GAS7: variants seen among roughly 807,000 people sequenced by gnomAD.
GAS7 encodes the protein growth arrest specific 7, also known as growth arrest-specific protein 7.
Under a neutral mutation model 71.1 loss-of-function variants are expected in GAS7, and 28 were observed. The ratio of observed to expected loss-of-function variants is 0.39; its 90% CI spans 0.29 to 0.54. GAS7 has a LOEUF of 0.54. Among genes scored for constraint, GAS7 ranks in the 20% least tolerant of loss-of-function variants. GAS7 has a pLI of 0.62. For synonymous variants in GAS7, 258 were observed against 245.8 expected (o/e 1.05, Z -0.46); for missense variants, 436 against 627.8 (o/e 0.69, Z 3.27).
intron 1 of GAS7, among the ~76,000 whole-genome samples, chr17:10,148,161 G>C (rs1431139166): frequency 2.6e-5 from 4 of 152,164 alleles, no homozygotes; most frequent in African/African-American, 9.7e-5. Context: ...GTCAAAAAAA[G>C]AACACAGTTT....
intron 1 of GAS7, among the ~76,000 whole-genome samples, chr17:10,086,455 C>T (rs1458473192): frequency 6.6e-6 from 1 of 152,236 alleles, no homozygotes; most frequent in East Asian, 1.9e-4. Context: ...CGATCCTTGG[C>T]ATGGTCTCTG....
chr17:10,167,455 A>G (rs2953452), intron 1 of GAS7, among the ~76,000 whole-genome samples: 12,348 of 152,232 alleles, frequency 0.081, 558 homozygotes, highest in Admixed American at 0.12. Context: ...GTGGGTGTCA[A>G]AAAGATTAAG....
chr17:10,072,937 T>G (rs571250947), intron 1 of GAS7, among the ~76,000 whole-genome samples: 1 of 152,182 alleles, frequency 6.6e-6, no homozygotes, highest in East Asian at 1.9e-4. Flanking sequence ...AGTGGTGTCA[T>G]CACTCCCAGG....
At chr17:10,006,227 T>G (rs965306510) in intron 2 of GAS7, among the ~76,000 whole-genome samples, 1 of 151,800 alleles carries the variant, frequency 6.6e-6, no homozygotes, top group East Asian at 1.9e-4. Flanking sequence ...AGACTCTAGG[T>G]TCCTTGAAGG....
chr17:10,016,335 A>C (rs1567542069), intron 2 of GAS7, among the ~76,000 whole-genome samples: 1 of 147,662 alleles, frequency 6.8e-6, no homozygotes, highest in Non-Finnish European at 1.5e-5. Flanking sequence ...CAGTGAGCCG[A>C]GATCGCGCCA....
intron 1 of GAS7, among the ~76,000 whole-genome samples, chr17:10,045,181 G>T (rs1295953423): frequency 2.0e-5 from 3 of 151,870 alleles, no homozygotes; most frequent in African/African-American, 7.3e-5. Context: ...GGCACACAAG[G>T]ACCTATGAGC....
At chr17:10,135,947 A>T (rs1174589440) in intron 1 of GAS7, among the ~76,000 whole-genome samples, 2 of 152,162 alleles carry the variant, frequency 1.3e-5, no homozygotes, top group East Asian at 1.9e-4. Context: ...TGGAGTTCAG[A>T]TGTGGGGAGA....
intron 1 of GAS7, among the ~76,000 whole-genome samples, chr17:10,120,866 A>T (rs2142076299): frequency 6.6e-6 from 1 of 152,216 alleles, no homozygotes; most frequent in South Asian, 2.1e-4. Flanking sequence ...AACGGCAGCT[A>T]CGGCAGCTGC....
chr17:9,959,693 G>A lies in GAS7; in HGVS notation c.472-438C>T, dbSNP rs1037998318. Among the ~76,000 whole-genome samples, 1 of 152,112 alleles carries A rather than the reference G, an allele frequency of 6.6e-6. No homozygotes were observed. Among genetic ancestry groups the A allele is most frequent in the Non-Finnish European group, 1.5e-5 (1 of 68,026 alleles). ...ACGACATTTTATTCTGAAACCCCCC[G>A]GGTCCAAAACGTCAAACCTAAATAC... On this transcript the variant is annotated intron_variant, in intron 4 of 13. Transcript: ENST00000432992. This position sits in a 1 kb window ranked among gnomAD's most constrained non-coding sequence, Gnocchi z 5.0.
chr17:10,004,456 C>T (rs1597659991), intron 2 of GAS7, among the ~76,000 whole-genome samples: 1 of 152,086 alleles, frequency 6.6e-6, no homozygotes, highest in South Asian at 2.1e-4. Context: ...CCCTGTAGCC[C>T]AAAACTTCCC....
intron 9 of GAS7, among the ~76,000 whole-genome samples, chr17:9,930,740 G>C (rs553488562): frequency 6.6e-5 from 10 of 152,294 alleles, no homozygotes; most frequent in African/African-American, 2.4e-4. Context: ...CATTAAAAAC[G>C]GTTTTTGGCA....
intron 1 of GAS7, among the ~76,000 whole-genome samples, chr17:10,025,243 AAATT>A (rs908322719): frequency 2.0e-5 from 3 of 151,978 alleles, no homozygotes; most frequent in Non-Finnish European, 2.9e-5. Flanking sequence ...TCTCTACACA[AAATT>A]AATTAATTAA....
intron 1 of GAS7, among the ~76,000 whole-genome samples, chr17:10,037,787 T>C (rs2072783903): frequency 6.6e-6 from 1 of 152,086 alleles, no homozygotes. Flanking sequence ...ACGAAGTAAA[T>C]GCTCAATGAA....
At chr17:9,976,864 G>C (rs962502967) in intron 3 of GAS7, among the ~76,000 whole-genome samples, 31 of 152,202 alleles carry the variant, frequency 2.0e-4, no homozygotes, top group African/African-American at 7.5e-4. Context: ...CAGAGGCTCA[G>C]AAAGGTATTC....
chr17:10,074,013 T>C (rs2073366953), intron 1 of GAS7, among the ~76,000 whole-genome samples: 2 of 152,208 alleles, frequency 1.3e-5, no homozygotes, highest in Non-Finnish European at 1.5e-5. Flanking sequence ...GCTGAGAATA[T>C]GCAGATGAAT....
intron 1 of GAS7, among the ~76,000 whole-genome samples, chr17:10,028,107 G>A (rs1004835441): frequency 5.9e-5 from 9 of 152,160 alleles, no homozygotes; most frequent in South Asian, 4.1e-4. Flanking sequence ...GTTTCACCGC[G>A]TTGGCCAGGA....
chr17:9,918,926 T>A (rs941206819), intron 12 of GAS7, among the ~76,000 whole-genome samples: 4 of 152,132 alleles, frequency 2.6e-5, no homozygotes, highest in African/African-American at 9.7e-5. Flanking sequence ...AGGCCTCTAA[T>A]CTGCTCTGGT....
chr17:9,917,695 T>C (rs957745088), intron 13 of GAS7, among the ~76,000 whole-genome samples: 1 of 152,216 alleles, frequency 6.6e-6, no homozygotes, highest in Admixed American at 6.5e-5. Context: ...TTGTTTTTTT[T>C]GGTTTTGTTT....
At position 9,981,913 on chromosome 17, in the gene GAS7, T is replaced by C; in HGVS notation, c.305-29A>G. 1 of 1,227,258 alleles carries C rather than the reference T, an allele frequency of 8.1e-7. No homozygotes were observed. The highest frequency in any genetic ancestry group is 1.2e-5 in the South Asian group (1 of 83,180). 76.0% of individuals were successfully genotyped at this position (1,227,258 alleles called of 1,614,324 possible). A position where few individuals can be genotyped will look rare whatever the true frequency, so the allele number is the denominator to read the frequency against. ...GTGAAAGAAGAGCAAAGAAAATCAC[T>C]TTGAGAATGTCACAGGGCAGAACCT... On this transcript the variant is annotated intron_variant, in intron 2 of 13. Transcript: ENST00000432992. The surrounding 1 kb of genome is among the most constrained non-coding windows in gnomAD (Gnocchi z 4.4).
Sources: allele counts gnomAD v4.1 joint callset (sites outside exome capture counted in the v4.1 genomes callset), GRCh38; gene constraint gnomAD v4.1.1; non-coding constraint Gnocchi (gnomAD v3.1); transcripts MANE v1.5; gene names NCBI Gene and HGNC (gene_info 2026-07-23, HGNC 2026-07-21).